Variants in OC90 observed in about 807,000 individuals in gnomAD.
OC90 encodes the protein otoconin 90.
Under a neutral mutation model 47.3 loss-of-function variants are expected in OC90, and 46 were observed. The observed-to-expected ratio is 0.97, with a 90% CI of 0.77 to 1.24. The LOEUF (loss-of-function observed/expected upper bound fraction) is 1.24. Ranked by LOEUF, OC90 falls within the 50% of genes most tolerant of loss-of-function variation. The pLI, the probability that OC90 is intolerant of heterozygous loss-of-function variation, is 0.00. For synonymous variants in OC90, 271 were observed against 219.5 expected (o/e 1.23, Z -2.07); for missense variants, 688 against 583.9 (o/e 1.18, Z -1.84).
At chr8:132,025,553 G>A (rs1423799746) in intron 13 of OC90, among the ~76,000 whole-genome samples, 2 of 152,154 alleles carry the variant, frequency 1.3e-5, no homozygotes, top group Admixed American at 6.5e-5. Context: ...CATTGTGCAT[G>A]CAGTGATTAG....
At chr8:132,058,530 C>T (rs1020854993) in intron 1 of OC90, among the ~76,000 whole-genome samples, 5 of 152,218 alleles carry the variant, frequency 3.3e-5, no homozygotes, top group African/African-American at 1.2e-4. Flanking sequence ...GCTGGTCGGA[C>T]AGACCTGGGC....
intron 6 of OC90, among the ~76,000 whole-genome samples, chr8:132,040,557 G>A (rs75304799): frequency 6.6e-6 from 1 of 152,098 alleles, no homozygotes; most frequent in Non-Finnish European, 1.5e-5. Context: ...ACCACCGCAC[G>A]CCTTATTCAC....
chr8:132,047,997 G>A (rs760704536), intron 2 of OC90, among the ~76,000 whole-genome samples: 2 of 152,182 alleles, frequency 1.3e-5, no homozygotes, highest in Admixed American at 6.5e-5. Context: ...GAGGGAAATA[G>A]CTAGGTCCAT....
Position 132,045,844 on chromosome 8 carries a change from A to G in OC90, c.86T>C (p.Leu29Pro). The G allele has an allele frequency of 6.5e-7, 1 of 1,546,486 alleles. No homozygotes were observed. The highest frequency in any genetic ancestry group is 8.8e-7 in the Non-Finnish European group (1 of 1,142,176). The change falls in exon 3 of 14, where the codon CTG becomes CCG. Residue 29 changes from leucine to proline, a missense_variant. Coordinates refer to ENST00000254627, the MANE Select transcript of OC90 (RefSeq NM_001080399.3). ...PLDTPHLPQE[L>P]PPGLPNNINI... is the part of the protein sequence containing the mutation. Reference sequence around the variant, plus strand: ...GATATTGTTTGGGAGTCCTGGAGGCAGCTCCTGTGGAAGATGTGGAGTGTC... The same window carrying G: ...GATATTGTTTGGGAGTCCTGGAGGCGGCTCCTGTGGAAGATGTGGAGTGTC...
At position 132,024,626 on chromosome 8, in the gene OC90, T is replaced by G; in HGVS notation, c.1289A>C (p.His430Pro). Residue 430 changes from histidine to proline, a missense_variant, in exon 14 of 14, where the codon CAC becomes CCC. Coordinates refer to ENST00000254627, the MANE Select transcript of OC90 (RefSeq NM_001080399.3). The stretch of plus-strand genomic sequence containing the variant: ...CAGGGTGGGGGCTGCGGGCACAGGG[T>G]GCAGGCTGTCTTCACAGGCTGCTGG... ...GQPAACEDSL[H>P]PVPAAPTLGS... is the part of the protein sequence containing the mutation. The G allele has an allele frequency of 2.5e-6, 4 of 1,613,580 alleles. No individual in the cohort carries two copies. The highest frequency in any genetic ancestry group is 3.4e-6 in the Non-Finnish European group (4 of 1,179,750).
intron 3 of OC90, among the ~76,000 whole-genome samples, chr8:132,045,409 C>A (rs903608406): frequency 6.6e-6 from 1 of 152,128 alleles, no homozygotes; most frequent in Non-Finnish European, 1.5e-5. Context: ...TTCGCTTCCC[C>A]GGGAAACAAA....
chr8:132,028,880 AAAAG>A (rs1253212055), intron 13 of OC90, among the ~76,000 whole-genome samples, 189 bp downstream of exon 13: 10 of 150,336 alleles, frequency 6.7e-5, no homozygotes, highest in African/African-American at 1.5e-4. Flanking sequence ...GGAAGGAAGG[AAAAG>A]AAAGAAAGAA....
chr8:132,032,101 G>A (rs1387659040), intron 11 of OC90, 49 bp from the exon 12 acceptor site: 3 of 1,567,540 alleles, frequency 1.9e-6, no homozygotes, highest in Non-Finnish European at 2.6e-6. Context: ...CGGGGCAGCT[G>A]TCTCAACAGG....
rs545659035 is a variant in OC90, at chr8:132,036,840, A to G, written c.679+598T>C. Among the ~76,000 whole-genome samples the G allele has an allele frequency of 1.1e-4, 16 of 152,366 alleles. 1 individual carries two copies. The South Asian group carries it at 3.3e-3, about 32-fold the overall frequency. ...AGCAATTATTCCATAGGCGTGTATA[A>G]GCATTAAATTAGATTATGTATTTTA... On this transcript the variant is annotated intron_variant, in intron 9 of 13. Transcript: ENST00000254627.
chr8:132,040,619 C>T lies in OC90; in HGVS notation c.457+425G>A, dbSNP rs114072051. 8.2e-3 allele frequency among the ~76,000 whole-genome samples: 1,248 copies of T among 152,272 alleles called. 20 individuals are homozygous for T. The highest frequency in any genetic ancestry group is 0.029 in the African/African-American group (1,191 of 41,558). On this transcript the variant is annotated intron_variant, in intron 6 of 13. Transcript: ENST00000254627. Reference sequence around the variant, plus strand: ...ATCTCTGAGTTCTTAACATATGTCGCTCCCTGTGCTAACCATTTCACAAGC... The same window carrying T: ...ATCTCTGAGTTCTTAACATATGTCGTTCCCTGTGCTAACCATTTCACAAGC...
intron 10 of OC90, 47 bp downstream of exon 10, chr8:132,034,734 A>G: frequency 7.5e-7 from 1 of 1,341,706 alleles, no homozygotes; most frequent in Non-Finnish European, 1.1e-6. Context: ...AGGACAAAGG[A>G]CATAAATGTG....
intron 11 of OC90, 26 bp downstream of exon 11, chr8:132,033,013 A>G: frequency 6.2e-7 from 1 of 1,602,318 alleles, no homozygotes; most frequent in South Asian, 1.1e-5. Flanking sequence ...CCAGCAGCGG[A>G]GAGGACAGAC....
chr8:132,024,693 G>T lies in OC90; in HGVS notation c.1222C>A (p.Gln408Lys), dbSNP rs1237542709. ...AECMTSASFNQSLKSPSRLGC... is the reference protein window; with the variant it reads ...AECMTSASFNKSLKSPSRLGC... ...AGTCTGCTTGGGGACTTGAGGCTTT[G>T]GTTAAAGGAGGCAGAGGTCATGCAC... Residue 408 changes from glutamine to lysine, a missense_variant, in exon 14 of 14, where the codon CAA (glutamine) becomes AAA (lysine). Coordinates refer to ENST00000254627, the MANE Select transcript of OC90 (RefSeq NM_001080399.3). 5.0e-6 allele frequency: 8 copies of T among 1,613,612 alleles called. No individual in the cohort carries two copies. Among genetic ancestry groups the T allele is most frequent in the Non-Finnish European group, 6.8e-6 (8 of 1,179,802 alleles).
intron 8 of OC90, among the ~76,000 whole-genome samples, chr8:132,037,908 G>A (rs1004308691): frequency 1.3e-5 from 2 of 152,160 alleles, no homozygotes; most frequent in Non-Finnish European, 2.9e-5. Flanking sequence ...ATGCACTCAC[G>A]CTCACGCTCA....
chr8:132,034,018 G>T (rs1164283331), intron 10 of OC90, among the ~76,000 whole-genome samples: 1 of 152,120 alleles, frequency 6.6e-6, no homozygotes, highest in Non-Finnish European at 1.5e-5. Flanking sequence ...TTTCCTATGA[G>T]ACTAAAGCCC....
chr8:132,024,980 C>G (rs550977522), intron 13 of OC90, among the ~76,000 whole-genome samples: 2 of 152,350 alleles, frequency 1.3e-5, no homozygotes, highest in South Asian at 4.1e-4. Flanking sequence ...TGTCAATGCT[C>G]TCAACTGGTG....
intron 2 of OC90, among the ~76,000 whole-genome samples, chr8:132,052,448 T>C (rs1823225532): frequency 6.6e-6 from 1 of 152,190 alleles, no homozygotes; most frequent in African/African-American, 2.4e-5. Flanking sequence ...CTCTATTCCT[T>C]TGTGCAACTG....
chr8:132,055,144 C>T (rs1823265037), intron 1 of OC90, 71 bp from the exon 2 acceptor site: 1 of 813,324 alleles, frequency 1.2e-6, no homozygotes, highest in Non-Finnish European at 2.0e-6. Flanking sequence ...ATGGGACCCC[C>T]ATGTCCTTTC....
chr8:132,036,313 T>G lies in OC90; in HGVS notation c.679+1125A>C. 3.8e-6 allele frequency: 3 copies of G among 779,808 alleles called. No homozygotes were observed. The South Asian group carries it at 4.0e-5, about 10-fold the overall frequency. 48.3% of individuals were successfully genotyped at this position (779,808 alleles called of 1,614,324 possible). ...GGACTGAGCACAGATTTTTAGATAT[T>G]TGAAATATTTCTCCACTGGATTCCA... is the stretch of plus-strand genomic sequence containing the variant. On this transcript the variant is annotated intron_variant, in intron 9 of 13. Coordinates refer to ENST00000254627, the MANE Select transcript of OC90 (RefSeq NM_001080399.3).
Sources: allele counts gnomAD v4.1 joint callset (sites outside exome capture counted in the v4.1 genomes callset), GRCh38; gene constraint gnomAD v4.1.1; transcripts MANE v1.5; gene names NCBI Gene and HGNC (gene_info 2026-07-23, HGNC 2026-07-21).